Variants in METTL15 observed in about 807,000 individuals in gnomAD.
METTL15 encodes methyltransferase 15, mitochondrial 12S rRNA N4-cytidine.
METTL15 carries 34 observed loss-of-function variants against 38.3 expected under a neutral mutation model. That is an observed-to-expected ratio of 0.89 (90% CI 0.68 to 1.18). METTL15 has a LOEUF of 1.18. Ranked by LOEUF, METTL15 falls within the 50% of genes most tolerant of loss-of-function variation. The pLI is 0.00. For missense variants in METTL15, 438 were observed against 498.4 expected (o/e 0.88, Z 1.15); for synonymous variants, 162 against 170.9 (o/e 0.95, Z 0.41).
chr11:28,502,671 T>C (rs1851594703), intron 6 of METTL15, among the ~76,000 whole-genome samples: 1 of 152,156 alleles, frequency 6.6e-6, no homozygotes, highest in Non-Finnish European at 1.5e-5. Flanking sequence ...GGAGAAGAAA[T>C]CTTAGTGTAA....
At chr11:28,282,521 A>C (rs190970033) in intron 4 of METTL15, among the ~76,000 whole-genome samples, 1 of 152,204 alleles carries the variant, frequency 6.6e-6, no homozygotes, top group African/African-American at 2.4e-5. Flanking sequence ...TCCTTGCATA[A>C]TGTCTATCAA....
intron 6 of METTL15, among the ~76,000 whole-genome samples, chr11:28,525,272 A>G (rs980536286): frequency 1.3e-5 from 2 of 152,162 alleles, no homozygotes; most frequent in East Asian, 3.9e-4. Flanking sequence ...CCCCACGCAC[A>G]TCCTGCTGAT....
intron 5 of METTL15, among the ~76,000 whole-genome samples, chr11:28,390,060 C>G (rs1850486283): frequency 6.6e-6 from 1 of 151,158 alleles, no homozygotes; most frequent in African/African-American, 2.4e-5. Flanking sequence ...ATATCCTTTG[C>G]CCACTTTTTG....
At chr11:28,240,831 T>A (rs577710361) in intron 4 of METTL15, among the ~76,000 whole-genome samples, 15 of 152,316 alleles carry the variant, frequency 9.8e-5, no homozygotes, top group East Asian at 3.9e-4. Context: ...CAAGTTTTTT[T>A]AATAAAGATT....
At chr11:28,401,587 A>G (rs1850631236) in intron 5 of METTL15, among the ~76,000 whole-genome samples, 1 of 151,948 alleles carries the variant, frequency 6.6e-6, no homozygotes. Flanking sequence ...CAGCAATACC[A>G]GCGAAGCCCA....
chr11:28,156,283 T>TTAC (rs1244053883), intron 3 of METTL15, among the ~76,000 whole-genome samples: 2 of 152,172 alleles, frequency 1.3e-5, no homozygotes, highest in Admixed American at 1.3e-4. Flanking sequence ...TATTAAGTCA[T>TTAC]ATACAATTTG....
At chr11:28,456,375 A>T (rs2133451763) in intron 6 of METTL15, among the ~76,000 whole-genome samples, 1 of 151,804 alleles carries the variant, frequency 6.6e-6, no homozygotes, top group African/African-American at 2.4e-5. Context: ...CTCTTGACCG[A>T]TATTTTGCTC....
chr11:28,348,664 A>C lies in METTL15; in HGVS notation c.*190-3426A>C, dbSNP rs769098638. ...TACATACAGGCATGAGCCACCACTG[A>C]ACTTTGTCTATCCATTTATGTATGT... On this transcript the variant is annotated intron_variant and NMD_transcript_variant, in intron 3 of 7. Coordinates refer to the METTL15 transcript ENST00000532947. 3.3e-5 allele frequency among the ~76,000 whole-genome samples: 5 copies of C among 151,234 alleles called. No homozygotes were observed. In the South Asian group the frequency reaches 8.4e-4, roughly 25 times the overall value.
At chr11:28,256,922 A>C (rs1052921953) in intron 4 of METTL15, among the ~76,000 whole-genome samples, 1 of 152,012 alleles carries the variant, frequency 6.6e-6, no homozygotes, top group South Asian at 2.1e-4. Flanking sequence ...TTGTTTCAAG[A>C]ATTTTTCAGT....
intron 3 of METTL15, among the ~76,000 whole-genome samples, chr11:28,129,407 C>CTTT (rs71449170): frequency 9.0e-5 from 13 of 143,768 alleles, no homozygotes; most frequent in Non-Finnish European, 7.6e-5. Context: ...TATAAAATTA[C>CTTT]TTTTTTTTTT....
chr11:28,422,519 G>T (rs948778932), intron 5 of METTL15, among the ~76,000 whole-genome samples: 1 of 151,870 alleles, frequency 6.6e-6, no homozygotes, highest in Non-Finnish European at 1.5e-5. Context: ...ACAGAATAGA[G>T]AACTCAGAAA....
rs745423868 is a variant in METTL15, at chr11:28,344,408, C to T, written c.*190-7682C>T. On this transcript the variant is annotated intron_variant and NMD_transcript_variant, in intron 3 of 7. Transcript: ENST00000532947. Reference sequence around the variant, plus strand: ...AAAAATCTAATTAAAAGTACAGGCTCACTAATGAAAACAGCACATGCACAC... The same window carrying T: ...AAAAATCTAATTAAAAGTACAGGCTTACTAATGAAAACAGCACATGCACAC... Among the ~76,000 whole-genome samples the T allele has an allele frequency of 3.3e-5, 5 of 152,240 alleles. No homozygotes were observed. The South Asian group carries it at 8.3e-4, about 25-fold the overall frequency.
intron 4 of METTL15, among the ~76,000 whole-genome samples, chr11:28,240,619 G>A (rs929265979): frequency 1.6e-4 from 24 of 152,122 alleles, no homozygotes; most frequent in African/African-American, 1.9e-4. Context: ...AAATATATGC[G>A]TAAGAGCTTA....
At chr11:28,193,699 C>T (rs1851784956) in intron 3 of METTL15, among the ~76,000 whole-genome samples, 1 of 152,044 alleles carries the variant, frequency 6.6e-6, no homozygotes, top group African/African-American at 2.4e-5. Context: ...TACCGAAAAT[C>T]ATATCATTAG....
intron 6 of METTL15, among the ~76,000 whole-genome samples, chr11:28,321,183 G>A (rs1161007999): frequency 6.6e-6 from 1 of 152,088 alleles, no homozygotes; most frequent in Non-Finnish European, 1.5e-5. Context: ...TTCATAAAAT[G>A]AGTACTTTAT....
chr11:28,276,849 A>G (rs979998678), intron 4 of METTL15, among the ~76,000 whole-genome samples: 1 of 152,178 alleles, frequency 6.6e-6, no homozygotes, highest in African/African-American at 2.4e-5. Context: ...GTGATGGGAA[A>G]ATTGGATAGC....
intron 5 of METTL15, among the ~76,000 whole-genome samples, chr11:28,408,533 A>G (rs1850696376): frequency 6.6e-6 from 1 of 152,192 alleles, no homozygotes; most frequent in Non-Finnish European, 1.5e-5. Context: ...AAATGTATTA[A>G]TTGTAAAAAA....
intron 5 of METTL15, among the ~76,000 whole-genome samples, chr11:28,370,115 G>A (rs1046122572): frequency 1.3e-5 from 2 of 151,990 alleles, no homozygotes; most frequent in African/African-American, 4.8e-5. Context: ...TATAGAATAA[G>A]TTACTGTAAA....
chr11:28,450,908 T>C (rs1851114992), intron 6 of METTL15, among the ~76,000 whole-genome samples: 1 of 152,202 alleles, frequency 6.6e-6, no homozygotes, highest in Non-Finnish European at 1.5e-5. Flanking sequence ...TTAATCTATA[T>C]AATCCTTGTG....
Sources: gnomAD v4.1 joint callset for allele counts (sites outside exome capture counted in the v4.1 genomes callset) on GRCh38, gnomAD v4.1.1 for gene constraint, MANE v1.5 for transcripts, NCBI Gene and HGNC (gene_info 2026-07-23, HGNC 2026-07-21) for gene names.